The following APP variants were observed in gnomAD, a reference collection of about 807,000 sequenced individuals.
The protein encoded by APP is amyloid-beta precursor protein.
A neutral mutation model predicts 101.4 loss-of-function variants in APP; 31 were observed. That is an observed-to-expected ratio of 0.31 (90% CI 0.23 to 0.41). The LOEUF (loss-of-function observed/expected upper bound fraction) is 0.41. APP is among the 10% of genes least tolerant of loss of function. The pLI is 1.00. For synonymous variants in APP, 366 were observed against 364.4 expected (o/e 1.00, Z -0.05); for missense variants, 839 against 1,003.7 (o/e 0.84, Z 2.22).
intron 2 of APP, among the ~76,000 whole-genome samples, chr21:26,100,389 C>A (rs2062029960): frequency 1.3e-5 from 2 of 152,114 alleles, no homozygotes; most frequent in African/African-American, 4.8e-5. Context: ...GTATACGTGC[C>A]TATGATTTGC....
chr21:25,978,984 G>A (rs2042324826), intron 9 of APP, among the ~76,000 whole-genome samples: 1 of 151,970 alleles, frequency 6.6e-6, no homozygotes, highest in South Asian at 2.1e-4. Flanking sequence ...CTATGAGTTG[G>A]GTCAGCTTTC....
intron 3 of APP, among the ~76,000 whole-genome samples, chr21:26,059,062 C>A (rs1053006799): frequency 4.6e-4 from 69 of 149,410 alleles, no homozygotes; most frequent in African/African-American, 1.6e-3. Context: ...GCCTGGGCGA[C>A]AGAGCGAGAC....
chr21:26,071,992 T>G (rs776252690), intron 3 of APP, among the ~76,000 whole-genome samples: 2 of 152,242 alleles, frequency 1.3e-5, no homozygotes, highest in Non-Finnish European at 2.9e-5. Context: ...GTTCAAACTG[T>G]CTGGATATTT....
Position 26,070,714 on chromosome 21 carries a change from G to A in APP, c.356-17366C>T, listed in dbSNP as rs796202847. 6.6e-5 allele frequency among the ~76,000 whole-genome samples: 10 copies of A among 152,222 alleles called. 1 individual carries two copies. Among genetic ancestry groups the A allele is most frequent in the African/African-American group, 2.2e-4 (9 of 41,546 alleles). On this transcript the variant is annotated intron_variant, in intron 3 of 17. Coordinates refer to ENST00000346798, the MANE Select transcript of APP (RefSeq NM_000484.4). ...ACACCCAGAAAAATCTAAGGTTGAA[G>A]AACATATATAATTTGAGACTTTTGA...
intron 13 of APP, among the ~76,000 whole-genome samples, chr21:25,930,668 T>C (rs1452414852): frequency 2.0e-5 from 3 of 152,146 alleles, no homozygotes; most frequent in Non-Finnish European, 4.4e-5. Context: ...GTATATATGA[T>C]AGCTCATTTG....
At chr21:25,983,518 AC>A (rs2042518947) in intron 8 of APP, among the ~76,000 whole-genome samples, 2 of 152,328 alleles carry the variant, frequency 1.3e-5, no homozygotes, top group African/African-American at 4.8e-5. Context: ...TTGAAACTAA[AC>A]TTGAAGTTAA....
intron 13 of APP, chr21:25,942,708 C>T (rs1416557732): frequency 1.3e-5 from 2 of 152,300 alleles, no homozygotes; most frequent in Non-Finnish European, 2.9e-5. Flanking sequence ...GTCCTTATTT[C>T]TTCAATCTCC....
At position 25,997,362 on chromosome 21, in the gene APP, TTAACA is replaced by T. The variant is rs1568829384; in HGVS notation, c.1083_1087del (p.Val362ThrfsTer10). On this transcript the variant is annotated frameshift_variant, in exon 8 of 18. Coordinates refer to ENST00000346798, the MANE Select transcript of APP (RefSeq NM_000484.4). LOFTEE classifies it high-confidence loss of function. The stretch of plus-strand genomic sequence containing the variant: ...CCCTCAGGTGAATGACAACGTACGT[TTAACA>T]GGATCTCGGGCAAGAGGTTCCTGGG... 1.9e-6 allele frequency: 3 copies of T among 1,613,684 alleles called. No individual in the cohort carries two copies. The highest frequency in any genetic ancestry group is 2.5e-6 in the Non-Finnish European group (3 of 1,179,714).
intron 5 of APP, among the ~76,000 whole-genome samples, chr21:26,042,185 T>A (rs2045402060): frequency 6.6e-6 from 1 of 152,226 alleles, no homozygotes; most frequent in South Asian, 2.1e-4. Context: ...GAAAGGCAGC[T>A]GAAAGATTAT....
chr21:26,023,692 C>A lies in APP; in HGVS notation c.663-1650G>T, dbSNP rs576956062. 3.3e-4 allele frequency among the ~76,000 whole-genome samples: 50 copies of A among 152,394 alleles called. 1 individual carries two copies. The highest frequency in any genetic ancestry group is 1.1e-3 in the African/African-American group (46 of 41,594). On this transcript the variant is annotated intron_variant, in intron 5 of 17. Coordinates refer to ENST00000346798, the MANE Select transcript of APP (RefSeq NM_000484.4). Reference sequence around the variant, plus strand: ...CATTCCAGCCAGGGAGACAAAGACACTGTCTCCTTAAAAACAAACAAAAAC... The same window carrying A: ...CATTCCAGCCAGGGAGACAAAGACAATGTCTCCTTAAAAACAAACAAAAAC...
chr21:25,904,974 C>T (rs199696263), intron 15 of APP, 50 bp downstream of exon 15: 44 of 1,536,382 alleles, frequency 2.9e-5, no homozygotes, highest in African/African-American at 8.2e-5. Flanking sequence ...AACGTCTGCT[C>T]GAGCTTAGGC....
At chr21:26,083,116 T>A (rs2061629918) in intron 3 of APP, among the ~76,000 whole-genome samples, 1 of 152,194 alleles carries the variant, frequency 6.6e-6, no homozygotes, top group South Asian at 2.1e-4. Flanking sequence ...TTCCTCCATA[T>A]TTTCATAAAC....
At chr21:26,109,252 C>T (rs569900407) in intron 2 of APP, among the ~76,000 whole-genome samples, 9 of 152,338 alleles carry the variant, frequency 5.9e-5, no homozygotes, top group African/African-American at 1.9e-4. Flanking sequence ...ACCCAAATCT[C>T]ATGTCGAATT....
At chr21:26,084,345 T>TC (rs1303870645) in intron 3 of APP, among the ~76,000 whole-genome samples, 1 of 149,036 alleles carries the variant, frequency 6.7e-6, no homozygotes, top group Non-Finnish European at 1.5e-5. Flanking sequence ...TTCACGCCAT[T>TC]CTCCTGCCTC....
At chr21:26,099,519 T>C (rs372658612) in intron 2 of APP, among the ~76,000 whole-genome samples, 62 of 152,320 alleles carry the variant, frequency 4.1e-4, no homozygotes, top group African/African-American at 1.4e-3. Flanking sequence ...TCAAAGAGTA[T>C]ATTAATCATA....
intron 9 of APP, among the ~76,000 whole-genome samples, chr21:25,981,889 A>T (rs1428384265): frequency 1.3e-5 from 2 of 152,296 alleles, no homozygotes; most frequent in African/African-American, 4.8e-5. Context: ...ACTAGATGAA[A>T]TAATCACTAT....
chr21:25,989,112 T>G (rs60064818), intron 8 of APP, among the ~76,000 whole-genome samples: 8,161 of 152,226 alleles, frequency 0.054, 683 homozygotes, highest in African/African-American at 0.19. Context: ...CAACGAAACA[T>G]TTTCCATACC....
chr21:26,019,200 T>C (rs983362242), intron 6 of APP, among the ~76,000 whole-genome samples: 1 of 152,252 alleles, frequency 6.6e-6, no homozygotes, highest in Admixed American at 6.5e-5. Flanking sequence ...ATTTGTTAAT[T>C]AATCACCTGC....
At chr21:25,975,330 G>T in intron 10 of APP, 102 bp from the exon 11 acceptor site, 2 of 1,463,642 alleles carry the variant, frequency 1.4e-6, no homozygotes, top group Non-Finnish European at 1.9e-6. Context: ...TTCTTCTAGT[G>T]CTAAAAAGTA....
Sources: gnomAD v4.1 joint callset for allele counts (sites outside exome capture counted in the v4.1 genomes callset) on GRCh38, gnomAD v4.1.1 for gene constraint, MANE v1.5 for transcripts, NCBI Gene and HGNC (gene_info 2026-07-23, HGNC 2026-07-21) for gene names.